Variants in NPAS3 observed in about 807,000 individuals in gnomAD.
The protein encoded by NPAS3 is neuronal PAS domain-containing protein 3.
A neutral mutation model predicts 73.1 loss-of-function variants in NPAS3; 14 were observed. The ratio of observed to expected loss-of-function variants is 0.19; its 90% CI spans 0.13 to 0.30. The LOEUF is 0.30. NPAS3 is among the 10% of genes least tolerant of loss of function. The probability of loss-of-function intolerance (pLI) is 1.00; values close to 1 mark genes in which losing one functional copy is unlikely to be tolerated. For synonymous variants in NPAS3, 620 were observed against 541.5 expected (o/e 1.14, Z -2.01); for missense variants, 1,096 against 1,250.0 (o/e 0.88, Z 1.86).
intron 4 of NPAS3, among the ~76,000 whole-genome samples, chr14:33,501,620 A>G (rs939080557): frequency 2.7e-5 from 4 of 148,736 alleles, no homozygotes; most frequent in Non-Finnish European, 5.9e-5. Flanking sequence ...CCCTTCTAGA[A>G]TCTGGATTTG....
At chr14:33,779,522 T>C (rs1395979666) in intron 9 of NPAS3, among the ~76,000 whole-genome samples, 1 of 152,196 alleles carries the variant, frequency 6.6e-6, no homozygotes, top group African/African-American at 2.4e-5. Flanking sequence ...CTTAGCCATG[T>C]TTTGGTCAAC....
At position 32,997,062 on chromosome 14, in the gene NPAS3, G is replaced by C. The variant is rs536876969; in HGVS notation, c.50+57696G>C. 2.0e-5 allele frequency among the ~76,000 whole-genome samples: 3 copies of C among 152,300 alleles called. No homozygotes were observed. The East Asian group carries it at 5.8e-4, about 29-fold the overall frequency. On this transcript the variant is annotated intron_variant, in intron 1 of 11. Transcript: ENST00000356141. ...CCATGGGAACCCACCTCATGCATTA[G>C]CATGACCTGGATGTGAGACATGGAG... is the stretch of plus-strand genomic sequence containing the variant.
At chr14:33,719,186 C>A (rs931658619) in intron 6 of NPAS3, among the ~76,000 whole-genome samples, 1 of 152,144 alleles carries the variant, frequency 6.6e-6, no homozygotes, top group African/African-American at 2.4e-5. Context: ...TGGCATATGT[C>A]CAACTCCCAT....
chr14:33,157,289 A>G (rs1280221332), intron 2 of NPAS3, among the ~76,000 whole-genome samples: 1 of 152,224 alleles, frequency 6.6e-6, no homozygotes, highest in Non-Finnish European at 1.5e-5. Context: ...CTGCCTAAAC[A>G]CAGAACTCTT....
At chr14:33,215,264 G>T in exon 3 of NPAS3, 1 of 1,593,506 alleles carries the variant, frequency 6.3e-7, no homozygotes, top group Non-Finnish European at 8.6e-7. Context: ...CTATGAATTG[G>T]CCAAGTTGTT....
At chr14:33,222,864 T>C (rs990495012) in intron 3 of NPAS3, among the ~76,000 whole-genome samples, 2 of 151,542 alleles carry the variant, frequency 1.3e-5, no homozygotes, top group African/African-American at 2.4e-5. Flanking sequence ...AGAAGAAAAA[T>C]GGAGGGAGAA....
intron 1 of NPAS3, among the ~76,000 whole-genome samples, chr14:32,993,282 T>C (rs909942662): frequency 2.0e-5 from 3 of 152,010 alleles, no homozygotes; most frequent in Non-Finnish European, 4.4e-5. Context: ...GGGATAAATA[T>C]GTAGGTTTGG....
intron 6 of NPAS3, among the ~76,000 whole-genome samples, chr14:33,679,381 G>GAATT (rs1444487210): frequency 6.6e-6 from 1 of 152,134 alleles, no homozygotes; most frequent in African/African-American, 2.4e-5. Context: ...GGCTCCAAGG[G>GAATT]AATTACTTAA....
At chr14:32,949,762 TC>T (rs555650205) in intron 1 of NPAS3, among the ~76,000 whole-genome samples, 99 of 151,920 alleles carry the variant, frequency 6.5e-4, no homozygotes, top group Non-Finnish European at 1.1e-3. Context: ...AAGGAAAAAG[TC>T]CAGCCCTATG....
At chr14:33,578,084 C>A (rs2056514181) in intron 5 of NPAS3, among the ~76,000 whole-genome samples, 1 of 152,220 alleles carries the variant, frequency 6.6e-6, no homozygotes, top group South Asian at 2.1e-4. Flanking sequence ...CTAGTTCTTT[C>A]TAAAGGCCGT....
At chr14:33,610,787 C>T (rs1050534230) in intron 5 of NPAS3, among the ~76,000 whole-genome samples, 1 of 152,124 alleles carries the variant, frequency 6.6e-6, no homozygotes, top group Non-Finnish European at 1.5e-5. Context: ...AACATTTTCT[C>T]CAAATATTGG....
At chr14:33,075,181 A>G (rs907140349) in intron 2 of NPAS3, among the ~76,000 whole-genome samples, 1 of 152,204 alleles carries the variant, frequency 6.6e-6, no homozygotes, top group African/African-American at 2.4e-5. Flanking sequence ...CACACTTACT[A>G]TACTTATTGT....
chr14:33,632,650 G>A (rs764661744), intron 5 of NPAS3, among the ~76,000 whole-genome samples: 4 of 152,132 alleles, frequency 2.6e-5, no homozygotes, highest in South Asian at 2.1e-4. Context: ...AGTCCAGTTC[G>A]TAATGCACAA....
intron 3 of NPAS3, among the ~76,000 whole-genome samples, chr14:33,248,422 A>G (rs1033450757): frequency 1.3e-5 from 2 of 152,210 alleles, no homozygotes; most frequent in Non-Finnish European, 2.9e-5. Context: ...TTTTTATTCC[A>G]GTGTTCACTT....
At chr14:33,779,138 T>C (rs2062906123) in intron 9 of NPAS3, among the ~76,000 whole-genome samples, 2 of 152,158 alleles carry the variant, frequency 1.3e-5, no homozygotes, top group Non-Finnish European at 2.9e-5. Context: ...GGTATCTCCA[T>C]CCCCCAACTC....
At chr14:33,126,382 G>A (rs2043426863) in intron 2 of NPAS3, among the ~76,000 whole-genome samples, 1 of 152,136 alleles carries the variant, frequency 6.6e-6, no homozygotes, top group Admixed American at 6.6e-5. Context: ...ACTTAGTGTA[G>A]CAGAGGTCTT....
chr14:33,034,937 T>G (rs2040115010), intron 1 of NPAS3, among the ~76,000 whole-genome samples: 1 of 152,214 alleles, frequency 6.6e-6, no homozygotes, highest in African/African-American at 2.4e-5. Context: ...AACTTATTAT[T>G]TTCTTTTAAG....
rs578129120 is a variant in NPAS3 at position 33,793,882 on chromosome 14, GT to G, written c.1154-7del. 3.1e-4 allele frequency: 487 copies of G among 1,596,084 alleles called. 1 individual carries two copies. In the African/African-American group the frequency reaches 5.9e-3, roughly 19 times the overall value. ...AGTCTTAATACAATGCCTCTGTTTTGTTTTTTTTCGCCAGTGCTGAATAAGG... is the reference window on the plus strand; with the variant it reads ...AGTCTTAATACAATGCCTCTGTTTTGTTTTTTTCGCCAGTGCTGAATAAGG... On this transcript the variant is annotated splice_polypyrimidine_tract_variant and intron_variant, in intron 9 of 11. Coordinates refer to ENST00000356141, the Ensembl canonical transcript of NPAS3.
intron 2 of NPAS3, among the ~76,000 whole-genome samples, chr14:33,200,426 G>A (rs140444823): frequency 6.6e-6 from 1 of 152,090 alleles, no homozygotes; most frequent in African/African-American, 2.4e-5. Flanking sequence ...TTTCTTCTAA[G>A]TTCAGTTTCT....
Sources: allele counts gnomAD v4.1 joint callset (sites outside exome capture counted in the v4.1 genomes callset), GRCh38; gene constraint gnomAD v4.1.1; transcripts MANE v1.5; gene names NCBI Gene and HGNC (gene_info 2026-07-23, HGNC 2026-07-21).